BICRAL: variants seen among roughly 807,000 people sequenced by gnomAD.
The protein encoded by BICRAL is BICRA like chromatin remodeling complex associated protein.
A neutral mutation model predicts 91.8 loss-of-function variants in BICRAL; 8 were observed. That is an observed-to-expected ratio of 0.09 (90% CI 0.05 to 0.16). The LOEUF (loss-of-function observed/expected upper bound fraction) is 0.16, where lower values mean the gene tolerates loss of function less well. Ranked by LOEUF, BICRAL falls within the 10% of genes least tolerant of loss-of-function variation. The pLI is 1.00. For synonymous variants in BICRAL, 445 were observed against 491.1 expected, an observed-to-expected ratio of 0.91 and a Z score of 1.24; for missense variants, 1,038 against 1,310.9, an observed-to-expected ratio of 0.79 and a Z score of 3.21.
At chr6:42,832,459 AT>A (rs958273412) in intron 6 of BICRAL, among the ~76,000 whole-genome samples, 1 of 148,270 alleles carries the variant, frequency 6.7e-6, no homozygotes. Context: ...GTATATATCA[AT>A]TTTTTAAACC....
chr6:42,782,550 C>T (rs1008602140), intron 1 of BICRAL, among the ~76,000 whole-genome samples: 19 of 149,854 alleles, frequency 1.3e-4, no homozygotes, highest in African/African-American at 4.2e-4. Flanking sequence ...GGGCCCGGCG[C>T]CTTTCTTTTT....
At chr6:42,790,330 A>ATTTTTT (rs70990136) in intron 1 of BICRAL, among the ~76,000 whole-genome samples, 46 of 87,818 alleles carry the variant, frequency 5.2e-4, no homozygotes, top group South Asian at 1.7e-3. Context: ...AGATAATTTA[A>ATTTTTT]TTTTTTTTTT....
intron 7 of BICRAL, chr6:42,852,623 C>T (rs1240091334): frequency 7.0e-6 from 2 of 284,502 alleles, no homozygotes; most frequent in Admixed American, 8.6e-5. Context: ...GATCACACCA[C>T]TGCATTCCAG....
intron 11 of BICRAL, 91 bp downstream of exon 11, chr6:42,860,447 A>G: frequency 1.4e-6 from 1 of 739,424 alleles, no homozygotes; most frequent in East Asian, 2.6e-5. Context: ...ATTATAGAAT[A>G]TAATGTAAAA....
intron 1 of BICRAL, among the ~76,000 whole-genome samples, chr6:42,801,771 A>ACT (rs1763579357): frequency 6.6e-6 from 1 of 151,978 alleles, no homozygotes; most frequent in South Asian, 2.1e-4. Context: ...AATCCCAGCT[A>ACT]CTCAGGAGGC....
At chr6:42,847,027 GC>G (rs1219263059) in intron 6 of BICRAL, among the ~76,000 whole-genome samples, 3 of 152,182 alleles carry the variant, frequency 2.0e-5, no homozygotes, top group South Asian at 4.1e-4. Flanking sequence ...ACTTAGAGGG[GC>G]TGAGGTGAGC....
chr6:42,767,825 A>G (rs1409160393), intron 1 of BICRAL, among the ~76,000 whole-genome samples: 7 of 152,190 alleles, frequency 4.6e-5, no homozygotes, highest in Admixed American at 4.6e-4. Flanking sequence ...AAGGCAGGGG[A>G]GGTGTCCATA....
chr6:42,759,390 T>G (rs1032863079), intron 1 of BICRAL, among the ~76,000 whole-genome samples: 45 of 152,114 alleles, frequency 3.0e-4, no homozygotes, highest in African/African-American at 1.0e-3. Flanking sequence ...TGGATTTACA[T>G]GGACAAAAAT....
chr6:42,846,733 C>G (rs897531997), intron 6 of BICRAL, among the ~76,000 whole-genome samples: 3 of 152,322 alleles, frequency 2.0e-5, no homozygotes, highest in Admixed American at 6.5e-5. Context: ...AAAGGCACCC[C>G]TCTGGGTAGA....
At chr6:42,827,184 C>T (rs1764331023) in intron 5 of BICRAL, among the ~76,000 whole-genome samples, 1 of 152,188 alleles carries the variant, frequency 6.6e-6, no homozygotes, top group Admixed American at 6.6e-5. Flanking sequence ...GTATGGTGCT[C>T]AGTAAATATT....
In BICRAL at chr6:42,822,917, G is replaced by T; in HGVS notation, c.91-18G>T. On this transcript the variant is annotated intron_variant, in intron 4 of 12. Coordinates refer to ENST00000314073, the MANE Select transcript of BICRAL (RefSeq NM_001393499.1). ...ACAGTTAAAGTAGTAACCACCTATT[G>T]AATTTGTATCTTTGCAGAGCAATGA... 1 of 1,588,018 alleles carries T rather than the reference G, an allele frequency of 6.3e-7. No homozygotes were observed. Among genetic ancestry groups the T allele is most frequent in the South Asian group, 1.1e-5 (1 of 90,462 alleles).
At chr6:42,754,765 C>G (rs1762435670) in intron 1 of BICRAL, among the ~76,000 whole-genome samples, 1 of 152,150 alleles carries the variant, frequency 6.6e-6, no homozygotes, top group Non-Finnish European at 1.5e-5. Flanking sequence ...GGCATGGTGG[C>G]ATGCACCTAT....
At chr6:42,750,722 C>G (rs1271114530) in intron 1 of BICRAL, among the ~76,000 whole-genome samples, 2 of 151,678 alleles carry the variant, frequency 1.3e-5, no homozygotes, top group Admixed American at 6.6e-5. Flanking sequence ...ATTACAGGTG[C>G]CCACCACCAT....
At chr6:42,796,708 G>A (rs570680203) in intron 1 of BICRAL, among the ~76,000 whole-genome samples, 1 of 152,156 alleles carries the variant, frequency 6.6e-6, no homozygotes, top group Admixed American at 6.6e-5. Flanking sequence ...TTTTTTTGAA[G>A]GTATAGCCAG....
intron 1 of BICRAL, among the ~76,000 whole-genome samples, chr6:42,757,381 A>G (rs1293027701): frequency 6.6e-6 from 1 of 151,794 alleles, no homozygotes; most frequent in Non-Finnish European, 1.5e-5. Flanking sequence ...CCTCCTGAGT[A>G]GCTGAGACTA....
At chr6:42,785,835 C>T (rs1474329058) in intron 1 of BICRAL, among the ~76,000 whole-genome samples, 58 of 152,072 alleles carry the variant, frequency 3.8e-4, no homozygotes, top group Non-Finnish European at 3.4e-4. Context: ...GTGGGCGGAT[C>T]ACGAGGTCAG....
upstream of BICRAL, among the ~76,000 whole-genome samples, chr6:42,778,786 A>C (rs917362507): frequency 6.6e-6 from 1 of 150,818 alleles, no homozygotes; most frequent in Non-Finnish European, 1.5e-5. Context: ...TTCAAAACCC[A>C]GGGGGCAACA....
At chr6:42,814,536 T>C (rs1437934659) in intron 2 of BICRAL, among the ~76,000 whole-genome samples, 1 of 124,466 alleles carries the variant, frequency 8.0e-6, no homozygotes, top group African/African-American at 3.1e-5. Flanking sequence ...TTTTTTTTTT[T>C]TTTTAGATGA....
intron 1 of BICRAL, among the ~76,000 whole-genome samples, chr6:42,747,192 C>T (rs891439122): frequency 1.3e-5 from 2 of 152,204 alleles, no homozygotes; most frequent in African/African-American, 2.4e-5. Flanking sequence ...GCAGCCAAGA[C>T]GGCGCAGTCA....
Sources: gnomAD v4.1 joint callset for allele counts (sites outside exome capture counted in the v4.1 genomes callset) on GRCh38, gnomAD v4.1.1 for gene constraint, MANE v1.5 for transcripts, NCBI Gene and HGNC (gene_info 2026-07-23, HGNC 2026-07-21) for gene names.